Variants in PTPRD observed in about 807,000 individuals in gnomAD.
PTPRD encodes the protein receptor-type tyrosine-protein phosphatase delta.
A neutral mutation model predicts 214.5 loss-of-function variants in PTPRD; 34 were observed. The observed-to-expected ratio is 0.16, with a 90% CI of 0.12 to 0.21. The LOEUF (loss-of-function observed/expected upper bound fraction) is 0.21, where lower values mean the gene tolerates loss of function less well. PTPRD is among the 10% of genes least tolerant of loss of function. PTPRD has a pLI of 1.00. For synonymous variants in PTPRD, 1,128 were observed against 845.7 expected, an observed-to-expected ratio of 1.33 and a Z score of -5.79; for missense variants, 2,545 against 2,398.7, an observed-to-expected ratio of 1.06 and a Z score of -1.27.
At chr9:9,163,911 A>T (rs756450507) in intron 10 of PTPRD, among the ~76,000 whole-genome samples, 1 of 152,000 alleles carries the variant, frequency 6.6e-6, no homozygotes, top group Non-Finnish European at 1.5e-5. Context: ...TTTCTATTTG[A>T]TCCTACCCAT....
At position 9,068,062 on chromosome 9, in the gene PTPRD, T is replaced by A. The variant is rs530279998; in HGVS notation, c.-142-49327A>T. On this transcript the variant is annotated intron_variant, in intron 10 of 45. Coordinates refer to ENST00000381196, the MANE Select transcript of PTPRD (RefSeq NM_002839.4). Reference sequence around the variant, plus strand: ...ATCTATAATTTTGTCATTAAAAAATTATATACATAAATACATTTAATATTT... The same window carrying A: ...ATCTATAATTTTGTCATTAAAAAATAATATACATAAATACATTTAATATTT... 2.0e-5 allele frequency among the ~76,000 whole-genome samples: 3 copies of A among 152,362 alleles called. No individual in the cohort carries two copies. The East Asian group carries it at 5.8e-4, about 29-fold the overall frequency.
At chr9:10,437,777 A>ATATATATATCTGATAAAATGC (rs1283582351) in intron 2 of PTPRD, among the ~76,000 whole-genome samples, 2 of 151,216 alleles carry the variant, frequency 1.3e-5, no homozygotes, top group Non-Finnish European at 3.0e-5. Flanking sequence ...TTTATCAGAT[A>ATATATATATCTGATAAAATGC]TATATATATC....
intron 5 of PTPRD, among the ~76,000 whole-genome samples, chr9:9,915,453 T>C (rs1488293629): frequency 1.3e-5 from 2 of 151,498 alleles, no homozygotes; most frequent in Non-Finnish European, 2.9e-5. Context: ...CTGTGAGATA[T>C]AAGAGAATAC....
intron 10 of PTPRD, among the ~76,000 whole-genome samples, chr9:9,164,549 A>C (rs148882825): frequency 2.1e-3 from 324 of 152,286 alleles, no homozygotes; most frequent in African/African-American, 7.5e-3. Flanking sequence ...AGGGTATTAT[A>C]CTGCCTTTCA....
chr9:9,367,294 A>G (rs2058146978), intron 9 of PTPRD, among the ~76,000 whole-genome samples: 1 of 151,604 alleles, frequency 6.6e-6, no homozygotes, highest in South Asian at 2.1e-4. Context: ...AATACAGGTA[A>G]AAGTATCATT....
At chr9:9,122,317 A>T (rs985752049) in intron 10 of PTPRD, among the ~76,000 whole-genome samples, 3 of 152,206 alleles carry the variant, frequency 2.0e-5, no homozygotes, top group Admixed American at 2.0e-4. Context: ...TAAAACAAGA[A>T]TTTCTATTTT....
At chr9:8,342,914 A>G (rs1469567015) in intron 39 of PTPRD, among the ~76,000 whole-genome samples, 1 of 152,146 alleles carries the variant, frequency 6.6e-6, no homozygotes, top group East Asian at 1.9e-4. Flanking sequence ...CTTGAAGGAC[A>G]GGAAGGATGA....
At chr9:9,452,444 C>T (rs2092369948) in intron 8 of PTPRD, among the ~76,000 whole-genome samples, 1 of 151,194 alleles carries the variant, frequency 6.6e-6, no homozygotes. Context: ...GGAAAAAATA[C>T]TGGTGAATGT....
intron 11 of PTPRD, among the ~76,000 whole-genome samples, chr9:8,826,113 G>A (rs540040023): frequency 1.6e-4 from 24 of 152,018 alleles, no homozygotes; most frequent in Non-Finnish European, 2.4e-4. Flanking sequence ...ATAAAGGCCT[G>A]TATCTGTCCT....
At chr9:8,873,815 G>C (rs558612444) in intron 11 of PTPRD, among the ~76,000 whole-genome samples, 3 of 152,100 alleles carry the variant, frequency 2.0e-5, no homozygotes, top group Non-Finnish European at 4.4e-5. Flanking sequence ...TGAAGAGAGG[G>C]AGGTAAGACA....
At chr9:9,568,902 A>G (rs2085444834) in intron 8 of PTPRD, among the ~76,000 whole-genome samples, 1 of 151,850 alleles carries the variant, frequency 6.6e-6, no homozygotes, top group Non-Finnish European at 1.5e-5. Context: ...CTGTTTCCCA[A>G]TACTAGCCCA....
intron 3 of PTPRD, among the ~76,000 whole-genome samples, chr9:10,125,040 C>G (rs1036877366): frequency 2.0e-5 from 3 of 152,154 alleles, no homozygotes; most frequent in African/African-American, 7.2e-5. Flanking sequence ...GAATGATCAT[C>G]ACTGTGAAAG....
intron 10 of PTPRD, among the ~76,000 whole-genome samples, chr9:9,035,411 G>C (rs2099618343): frequency 6.6e-6 from 1 of 152,074 alleles, no homozygotes; most frequent in African/African-American, 2.4e-5. Context: ...TCAAAGACCT[G>C]AGAGTCATCT....
intron 8 of PTPRD, among the ~76,000 whole-genome samples, chr9:9,422,007 C>T (rs1312284642): frequency 6.8e-6 from 1 of 147,816 alleles, no homozygotes. Flanking sequence ...AACAAAAAAA[C>T]AGTAAAGAAT....
chr9:9,933,825 G>T (rs1340149286), intron 5 of PTPRD, among the ~76,000 whole-genome samples: 4 of 149,640 alleles, frequency 2.7e-5, no homozygotes, highest in Non-Finnish European at 4.4e-5. Flanking sequence ...CACATACTTG[G>T]AAGTAAAGGT....
At chr9:9,575,723 A>C in intron 7 of PTPRD, among the ~76,000 whole-genome samples, 1 of 127,204 alleles carries the variant, frequency 7.9e-6, no homozygotes, top group African/African-American at 3.9e-5. Flanking sequence ...GTCTCAAAAA[A>C]AAAAAAAAAA....
intron 2 of PTPRD, among the ~76,000 whole-genome samples, chr9:10,365,014 G>C (rs1183258543): frequency 6.6e-6 from 1 of 152,150 alleles, no homozygotes; most frequent in South Asian, 2.1e-4. Context: ...AGGAATCTCA[G>C]AGACATCTTA....
chr9:8,378,616 G>C (rs1264863941), intron 37 of PTPRD, among the ~76,000 whole-genome samples: 1 of 152,042 alleles, frequency 6.6e-6, no homozygotes, highest in Non-Finnish European at 1.5e-5. Context: ...AACAGTCTCA[G>C]CTGGAGAGCA....
At position 8,959,225 on chromosome 9, in the gene PTPRD, G is replaced by T. The variant is rs369685964; in HGVS notation, c.-104+59472C>A. Among the ~76,000 whole-genome samples the T allele has an allele frequency of 2.6e-5, 4 of 151,968 alleles. No homozygotes were observed. In the East Asian group the frequency reaches 5.8e-4, roughly 22 times the overall value. Reference sequence around the variant, plus strand: ...GAAAGATGGCAGAAGATGAACCCTGGAAAAGTTTTTATGAGTGCTATGAGT... The same window carrying T: ...GAAAGATGGCAGAAGATGAACCCTGTAAAAGTTTTTATGAGTGCTATGAGT... On this transcript the variant is annotated intron_variant, in intron 11 of 45. Transcript: ENST00000381196.
Sources: allele counts gnomAD v4.1 joint callset (sites outside exome capture counted in the v4.1 genomes callset), GRCh38; gene constraint gnomAD v4.1.1; transcripts MANE v1.5; gene names NCBI Gene and HGNC (gene_info 2026-07-23, HGNC 2026-07-21).